Variants in PCDHA4 observed in about 807,000 individuals in gnomAD.
PCDHA4 encodes protocadherin alpha-4.
A neutral mutation model predicts 61.4 loss-of-function variants in PCDHA4; 49 were observed. The ratio of observed to expected loss-of-function variants is 0.80; its 90% CI spans 0.63 to 1.01. The LOEUF is 1.01. PCDHA4 is among the 50% of genes least tolerant of loss of function. The probability of loss-of-function intolerance (pLI) is 0.00; values close to 1 mark genes in which losing one functional copy is unlikely to be tolerated. For synonymous variants in PCDHA4, 590 were observed against 550.3 expected, an observed-to-expected ratio of 1.07 and a Z score of -1.01; for missense variants, 1,254 against 1,235.8, an observed-to-expected ratio of 1.01 and a Z score of -0.22.
At chr5:140,845,204 TAA>T (rs1554140859) in intron 1 of PCDHA4, among the ~76,000 whole-genome samples, 1 of 149,338 alleles carries the variant, frequency 6.7e-6, no homozygotes, top group Non-Finnish European at 1.5e-5. Flanking sequence ...TGTTTTCATT[TAA>T]GTCCTTTTAA....
At chr5:140,825,856 C>T (rs1768740598) in intron 1 of PCDHA4, 1 of 152,350 alleles carries the variant, frequency 6.6e-6, no homozygotes. Context: ...TACAAACTCC[C>T]CTCTTGAGTT....
chr5:140,975,244 A>G (rs934948446), intron 1 of PCDHA4, among the ~76,000 whole-genome samples: 6 of 152,120 alleles, frequency 3.9e-5, no homozygotes. Flanking sequence ...AATCCCTCTT[A>G]TGCTTCAGAT....
intron 1 of PCDHA4, chr5:140,863,366 C>T (rs1408958867): frequency 6.7e-6 from 8 of 1,190,328 alleles, no homozygotes; most frequent in African/African-American, 4.6e-5. Flanking sequence ...CGGTGCTTGG[C>T]GCAGCTCACC....
At chr5:140,956,724 C>T (rs2095305540) in intron 1 of PCDHA4, among the ~76,000 whole-genome samples, 1 of 152,176 alleles carries the variant, frequency 6.6e-6, no homozygotes, top group South Asian at 2.1e-4. Flanking sequence ...AGAATTGGTA[C>T]CAGCTCCTCT....
At chr5:141,000,120 C>G (rs1554257146) in intron 3 of PCDHA4, among the ~76,000 whole-genome samples, 1 of 152,052 alleles carries the variant, frequency 6.6e-6, no homozygotes, top group African/African-American at 2.4e-5. Flanking sequence ...CCCTCATCCC[C>G]AAGGCTTCAC....
At position 140,970,818 on chromosome 5, in the gene PCDHA4, G is replaced by A. The variant is rs77234853; in HGVS notation, c.2386-8131G>A. Among the ~76,000 whole-genome samples, 569 of 152,084 alleles carry A rather than the reference G, an allele frequency of 3.7e-3. 1 individual carries two copies. The highest frequency in any genetic ancestry group is 5.8e-3 in the South Asian group (28 of 4,824). On this transcript the variant is annotated intron_variant, in intron 1 of 3. Coordinates refer to ENST00000530339, the MANE Select transcript of PCDHA4 (RefSeq NM_018907.4). ...CATATTGTTACATTTCAAGTTCATGGTAATCTTGAGGAATGTAATGCACAG... is the reference window on the plus strand; with the variant it reads ...CATATTGTTACATTTCAAGTTCATGATAATCTTGAGGAATGTAATGCACAG...
intron 3 of PCDHA4, among the ~76,000 whole-genome samples, chr5:140,996,330 A>G (rs551945424): frequency 6.6e-6 from 1 of 152,208 alleles, no homozygotes; most frequent in Non-Finnish European, 1.5e-5. Flanking sequence ...TAGAGAAGAA[A>G]AGTTTGAAAA....
chr5:140,927,635 A>G (rs782672031), intron 1 of PCDHA4: 17 of 1,614,038 alleles, frequency 1.1e-5, no homozygotes, highest in East Asian at 4.5e-5. Context: ...ACTGCACCCA[A>G]TGGGACTGTG....
intron 1 of PCDHA4, among the ~76,000 whole-genome samples, chr5:140,888,841 C>T (rs2062001270): frequency 1.3e-5 from 2 of 151,998 alleles, no homozygotes; most frequent in Admixed American, 1.3e-4. Flanking sequence ...CCACTGCAGC[C>T]TGGTGACAGA....
At chr5:140,856,609 A>G in intron 1 of PCDHA4, 1 of 1,598,102 alleles carries the variant, frequency 6.3e-7, no homozygotes, top group Non-Finnish European at 8.6e-7. Context: ...AAAAAGACAA[A>G]GACAAATTCC....
Position 140,967,929 on chromosome 5 carries a change from G to A in PCDHA4, c.2386-11020G>A, listed in dbSNP as rs1554230126. 5 of 1,614,096 alleles carry A rather than the reference G, an allele frequency of 3.1e-6. No homozygotes were observed. The South Asian group carries it at 4.4e-5, about 14-fold the overall frequency. ...CCCAACACCATTGTGGCCGTTCTCAGTGTCAATGACCAAGACTCAGGCCCC... is the reference window on the plus strand; with the variant it reads ...CCCAACACCATTGTGGCCGTTCTCAATGTCAATGACCAAGACTCAGGCCCC... On this transcript the variant is annotated intron_variant, in intron 1 of 3. Coordinates refer to ENST00000530339, the MANE Select transcript of PCDHA4 (RefSeq NM_018907.4).
intron 1 of PCDHA4, among the ~76,000 whole-genome samples, chr5:140,910,949 C>T (rs1413845849): frequency 1.3e-5 from 2 of 152,112 alleles, no homozygotes; most frequent in African/African-American, 2.4e-5. Context: ...CAGTTCTTTT[C>T]GAGTGTAGCA....
chr5:140,933,377 C>A lies in PCDHA4; in HGVS notation c.2386-45572C>A, dbSNP rs910236493. Among the ~76,000 whole-genome samples the A allele has an allele frequency of 3.9e-5, 6 of 151,980 alleles. No homozygotes were observed. In the South Asian group the frequency reaches 1.2e-3, roughly 31 times the overall value. On this transcript the variant is annotated intron_variant, in intron 1 of 3. Transcript: ENST00000530339. ...TTCTAACCCATCCCAAATTCCTTGG[C>A]TGTTCCTAGAGCCATCTGGTTACCA...
chr5:140,965,539 T>C (rs1554227755), intron 1 of PCDHA4, among the ~76,000 whole-genome samples: 1 of 152,034 alleles, frequency 6.6e-6, no homozygotes, highest in East Asian at 1.9e-4. Context: ...GGAATCCAAA[T>C]TCCAGCCTGG....
At chr5:140,966,030 A>C (rs1554227994) in intron 1 of PCDHA4, among the ~76,000 whole-genome samples, 4 of 152,164 alleles carry the variant, frequency 2.6e-5, no homozygotes, top group Admixed American at 6.5e-5. Context: ...AGTCAGGTGA[A>C]TAGTTCCCAT....
At chr5:140,861,384 C>A in intron 1 of PCDHA4, 1 of 437,328 alleles carries the variant, frequency 2.3e-6, no homozygotes, top group Non-Finnish European at 4.7e-6. Flanking sequence ...TGCGCAGGAC[C>A]TGGGTCTGGA....
chr5:140,877,324 G>C (rs782336745), intron 1 of PCDHA4: 3 of 1,613,990 alleles, frequency 1.9e-6, no homozygotes, highest in Non-Finnish European at 2.5e-6. Context: ...GGCGGTCGGC[G>C]CGCACATCCC....
intron 2 of PCDHA4, 91 bp downstream of exon 2, chr5:140,979,098 A>C: frequency 1.3e-6 from 2 of 1,547,480 alleles, no homozygotes; most frequent in East Asian, 2.3e-5. Flanking sequence ...AGCAGCTGTC[A>C]AAACTAAAAA....
intron 1 of PCDHA4, among the ~76,000 whole-genome samples, chr5:140,975,438 A>T (rs1436743661): frequency 5.9e-5 from 9 of 152,234 alleles, no homozygotes; most frequent in African/African-American, 1.7e-4. Flanking sequence ...ACACCAGGAT[A>T]TAGGGATCTT....
Sources: allele counts gnomAD v4.1 joint callset (sites outside exome capture counted in the v4.1 genomes callset), GRCh38; gene constraint gnomAD v4.1.1; transcripts MANE v1.5; gene names NCBI Gene and HGNC (gene_info 2026-07-23, HGNC 2026-07-21).